ENDOD1: variants seen among roughly 807,000 people sequenced by gnomAD.
The protein encoded by ENDOD1 is endonuclease domain containing 1.
Under a neutral mutation model 6.5 loss-of-function variants are expected in ENDOD1, and 9 were observed. The observed-to-expected ratio is 1.39, with a 90% CI of 0.84 to 2.43. The LOEUF (loss-of-function observed/expected upper bound fraction) is 2.43. Among genes scored for constraint, ENDOD1 ranks in the 30% most tolerant of loss-of-function variants. The pLI is 0.00. For missense variants in ENDOD1, 648 were observed against 635.5 expected (o/e 1.02, Z -0.21); for synonymous variants, 255 against 255.2 (o/e 1.00, Z 0.01).
At chr11:95,095,779 A>G (rs1261048480) in intron 1 of ENDOD1, among the ~76,000 whole-genome samples, 5 of 152,222 alleles carry the variant, frequency 3.3e-5, no homozygotes, top group African/African-American at 1.2e-4. Flanking sequence ...AACTTATCCA[A>G]GGTCAAACAG....
At chr11:95,122,301 A>G (rs1278432438) in intron 1 of ENDOD1, among the ~76,000 whole-genome samples, 1 of 152,042 alleles carries the variant, frequency 6.6e-6, no homozygotes, top group Non-Finnish European at 1.5e-5. Context: ...TGGCTACTGC[A>G]ACCTCCACCT....
intron 1 of ENDOD1, among the ~76,000 whole-genome samples, chr11:95,115,623 C>CTAG (rs1263734322): frequency 6.6e-6 from 1 of 152,012 alleles, no homozygotes; most frequent in Non-Finnish European, 1.5e-5. Context: ...CAGTATGATA[C>CTAG]TAGTTGTGGG....
chr11:95,125,316 A>G (rs1859300817), intron 1 of ENDOD1, among the ~76,000 whole-genome samples: 1 of 152,226 alleles, frequency 6.6e-6, no homozygotes, highest in South Asian at 2.1e-4. Flanking sequence ...CCAAGTCTCC[A>G]TAGATCTTGG....
intron 1 of ENDOD1, among the ~76,000 whole-genome samples, chr11:95,105,127 C>T (rs1273535885): frequency 1.3e-5 from 2 of 152,146 alleles, no homozygotes; most frequent in African/African-American, 4.8e-5. Context: ...TTCACTGGGG[C>T]CGTATCAGTC....
At position 95,131,381 on chromosome 11, in the gene ENDOD1, T is replaced by A. The variant is rs1859369402; in HGVS notation, c.*1802T>A. ...AATCCTGCTGGATAAAGAAAAGGAA[T>A]TTTAGAAGTGACCAGAGGGACAGTC... On this transcript the variant is annotated 3_prime_UTR_variant, in exon 2 of 2. Transcript: ENST00000278505. 6.6e-6 allele frequency: 1 copy of A among 152,150 alleles called. No homozygotes were observed. Among genetic ancestry groups the A allele is most frequent in the Non-Finnish European group, 1.5e-5 (1 of 68,034 alleles). The allele number at this position is 152,150 out of a possible 1,614,324, so 9.4% of individuals were successfully genotyped here.
At chr11:95,116,835 G>T (rs1859214043) in intron 1 of ENDOD1, among the ~76,000 whole-genome samples, 1 of 152,070 alleles carries the variant, frequency 6.6e-6, no homozygotes, top group African/African-American at 2.4e-5. Flanking sequence ...CTGTTTCTTT[G>T]TGTTCAGAAA....
At chr11:95,109,223 C>G (rs566809300) in intron 1 of ENDOD1, among the ~76,000 whole-genome samples, 2 of 152,368 alleles carry the variant, frequency 1.3e-5, no homozygotes, top group South Asian at 4.1e-4. Flanking sequence ...ATGTGCTTAT[C>G]TAGCCTCAGC....
chr11:95,092,373 T>G (rs1262815091), intron 1 of ENDOD1, among the ~76,000 whole-genome samples: 2 of 149,944 alleles, frequency 1.3e-5, no homozygotes, highest in South Asian at 2.1e-4. Context: ...AGGGAAGGAG[T>G]GAGTCGTAAA....
At chr11:95,116,342 C>T (rs1464561234) in intron 1 of ENDOD1, among the ~76,000 whole-genome samples, 3 of 152,080 alleles carry the variant, frequency 2.0e-5, no homozygotes, top group Non-Finnish European at 4.4e-5. Flanking sequence ...TCTAATGTCT[C>T]CTTTTTCATC....
intron 1 of ENDOD1, among the ~76,000 whole-genome samples, chr11:95,104,357 G>A (rs1186100376): frequency 8.6e-5 from 13 of 151,468 alleles, no homozygotes; most frequent in African/African-American, 3.2e-4. Context: ...CTGAGTGGGA[G>A]GATCACCTGA....
chr11:95,103,164 A>G (rs1565444847), intron 1 of ENDOD1, among the ~76,000 whole-genome samples: 1 of 150,204 alleles, frequency 6.7e-6, no homozygotes, highest in Non-Finnish European at 1.5e-5. Context: ...CTAACCATTC[A>G]TTTCTACAAT....
At chr11:95,111,432 A>G (rs1406174663) in intron 1 of ENDOD1, among the ~76,000 whole-genome samples, 1 of 152,024 alleles carries the variant, frequency 6.6e-6, no homozygotes, top group African/African-American at 2.4e-5. Flanking sequence ...TATCATTGTT[A>G]CTTTGTAATC....
intron 1 of ENDOD1, 142 bp downstream of exon 1, chr11:95,090,369 T>G: frequency 3.5e-6 from 4 of 1,152,060 alleles, no homozygotes; most frequent in Non-Finnish European, 4.5e-6. Flanking sequence ...AAACCCGGGT[T>G]CCAGGTCCAC....
chr11:95,111,262 C>T (rs1859147658), intron 1 of ENDOD1, among the ~76,000 whole-genome samples: 1 of 152,136 alleles, frequency 6.6e-6, no homozygotes, highest in African/African-American at 2.4e-5. Flanking sequence ...CAACCCATTG[C>T]CTTCTGAGCA....
intron 1 of ENDOD1, among the ~76,000 whole-genome samples, chr11:95,093,277 A>G (rs1858948712): frequency 6.6e-6 from 1 of 152,184 alleles, no homozygotes; most frequent in South Asian, 2.1e-4. Flanking sequence ...AGCATTATCC[A>G]GCTGCCTGGA....
At chr11:95,092,899 CT>C (rs1283521854) in intron 1 of ENDOD1, among the ~76,000 whole-genome samples, 1 of 152,176 alleles carries the variant, frequency 6.6e-6, no homozygotes, top group East Asian at 1.9e-4. Flanking sequence ...CCCACATCAC[CT>C]TTTTATGAGG....
chr11:95,110,382 A>G (rs1859135799), intron 1 of ENDOD1, among the ~76,000 whole-genome samples: 2 of 152,316 alleles, frequency 1.3e-5, no homozygotes, highest in South Asian at 2.1e-4. Context: ...TGATTAGCAG[A>G]TACCTACCAA....
chr11:95,124,780 T>A (rs928844019), intron 1 of ENDOD1, among the ~76,000 whole-genome samples: 1 of 152,196 alleles, frequency 6.6e-6, no homozygotes, highest in Non-Finnish European at 1.5e-5. Context: ...TGAAGCCCCA[T>A]GAACTTAAGT....
In ENDOD1 at chr11:95,089,941, G is replaced by T; in HGVS notation, c.14G>T (p.Arg5Leu). 6.9e-7 allele frequency: 1 copy of T among 1,442,900 alleles called. No homozygotes were observed. The allele number at this position is 1,442,900 out of a possible 1,614,324, so 89.4% of individuals were successfully genotyped here. MGTA[R>L]WLALGSLFAL... The stretch of plus-strand genomic sequence containing the variant: ...GCAGAGGCCGCCATGGGCACCGCGC[G>T]CTGGCTCGCGCTGGGCAGCCTCTTC... The change falls in exon 1 of 2, where the codon CGC becomes CTC. Residue 5 changes from arginine to leucine, a missense_variant. Coordinates refer to ENST00000278505, the MANE Select transcript of ENDOD1 (RefSeq NM_015036.3).
Sources: gnomAD v4.1 joint callset for allele counts (sites outside exome capture counted in the v4.1 genomes callset) on GRCh38, gnomAD v4.1.1 for gene constraint, MANE v1.5 for transcripts, NCBI Gene and HGNC (gene_info 2026-07-23, HGNC 2026-07-21) for gene names.